MBP: variants seen among roughly 807,000 people sequenced by gnomAD.
MBP encodes Golli-MBP.
A neutral mutation model predicts 35.8 loss-of-function variants in MBP; 16 were observed. The observed-to-expected ratio is 0.45, with a 90% CI of 0.30 to 0.68. MBP has a LOEUF of 0.68. MBP is among the 30% of genes least tolerant of loss of function. MBP has a pLI of 0.08. For missense variants in MBP, 380 were observed against 404.7 expected (o/e 0.94, Z 0.52); for synonymous variants, 143 against 159.6 (o/e 0.90, Z 0.78).
chr18:77,067,617 G>T (rs573540263), intron 2 of MBP, among the ~76,000 whole-genome samples: 1 of 152,186 alleles, frequency 6.6e-6, no homozygotes, highest in Non-Finnish European at 1.5e-5. Context: ...TTCACTGAGC[G>T]GGCGTCAGTG....
chr18:77,094,495 C>T (rs1187364271), intron 2 of MBP, among the ~76,000 whole-genome samples: 6 of 152,318 alleles, frequency 3.9e-5, no homozygotes, highest in East Asian at 1.9e-4. Context: ...GCGGGTGCCA[C>T]GTTAAATGAC....
At chr18:76,995,748 T>C (rs1310173822) in intron 4 of MBP, among the ~76,000 whole-genome samples, 1 of 152,124 alleles carries the variant, frequency 6.6e-6, no homozygotes, top group Non-Finnish European at 1.5e-5. Flanking sequence ...GAAGCAGCCA[T>C]AGGAGAAAAA....
chr18:76,991,822 G>C (rs1403033180), intron 4 of MBP, among the ~76,000 whole-genome samples: 1 of 152,182 alleles, frequency 6.6e-6, no homozygotes, highest in Non-Finnish European at 1.5e-5. Flanking sequence ...CCTCCAGTCT[G>C]TCAGCTCTAT....
intron 3 of MBP, among the ~76,000 whole-genome samples, chr18:77,028,577 G>A (rs74409297): frequency 5.7e-4 from 43 of 75,272 alleles, no homozygotes; most frequent in Middle Eastern, 7.0e-3. Context: ...CCGGGCAGAG[G>A]CGCCCCTCAC....
rs146235081 is a variant in MBP, at chr18:77,131,069, ACG to A, written c.-26+1509_-26+1510del. Among the ~76,000 whole-genome samples, 30,050 of 79,676 alleles carry A rather than the reference ACG, an allele frequency of 0.38. 4,071 individuals are homozygous for A. Among genetic ancestry groups the A allele is most frequent in the African/African-American group, 0.48 (13,699 of 28,518 alleles). 52.3% of individuals were successfully genotyped at this position (79,676 alleles called of 152,430 possible). A position where few individuals can be genotyped will look rare whatever the true frequency, so the allele number is the denominator to read the frequency against. ...AAACCTCAAAAAACAAAACACACACACGCGCGCACGCACGCGCACACACACAC... is the reference window on the plus strand; with the variant it reads ...AAACCTCAAAAAACAAAACACACACACGCGCACGCACGCGCACACACACAC... On this transcript the variant is annotated intron_variant, in intron 1 of 8. Transcript: ENST00000355994. The surrounding 1 kb of genome is among the most constrained non-coding windows in gnomAD (Gnocchi z 5.5).
chr18:77,024,994 C>A (rs931179530), intron 3 of MBP, among the ~76,000 whole-genome samples: 1 of 152,186 alleles, frequency 6.6e-6, no homozygotes, highest in African/African-American at 2.4e-5. Flanking sequence ...CATTCCTGAG[C>A]AGATTGCAGG....
intron 4 of MBP, chr18:77,006,529 A>C (rs1365243122): frequency 6.5e-6 from 1 of 153,474 alleles, no homozygotes; most frequent in Non-Finnish European, 1.4e-5. Context: ...GGGGCTGAGC[A>C]GACAGAGGAA....
At chr18:77,055,944 A>T (rs1329742123) in intron 3 of MBP, among the ~76,000 whole-genome samples, 1 of 152,232 alleles carries the variant, frequency 6.6e-6, no homozygotes, top group African/African-American at 2.4e-5. Context: ...AGAAAGGAAA[A>T]AAAGAAAAAA....
intron 2 of MBP, among the ~76,000 whole-genome samples, chr18:77,095,997 A>AT (rs1975744147): frequency 6.6e-6 from 1 of 152,172 alleles, no homozygotes; most frequent in Non-Finnish European, 1.5e-5. Context: ...AAATATAATT[A>AT]TTTTTCATTC....
At chr18:77,024,752 G>A (rs112542752) in intron 3 of MBP, among the ~76,000 whole-genome samples, 14 of 152,376 alleles carry the variant, frequency 9.2e-5, no homozygotes, top group Non-Finnish European at 1.5e-4. Context: ...GACCTTGGAG[G>A]CCGACCTCAG....
At chr18:77,105,427 G>A in intron 1 of MBP, 141 bp from the exon 2 acceptor site, 1 of 549,790 alleles carries the variant, frequency 1.8e-6, no homozygotes, top group South Asian at 1.8e-5. Context: ...GAAAACAGAA[G>A]AGACACGTCC....
chr18:77,069,717 G>A (rs910059611), intron 2 of MBP, among the ~76,000 whole-genome samples: 14 of 152,164 alleles, frequency 9.2e-5, no homozygotes, highest in African/African-American at 3.1e-4. Flanking sequence ...GGCTGGTTTC[G>A]AGGGTGGGGG....
intron 1 of MBP, among the ~76,000 whole-genome samples, chr18:77,116,528 G>A (rs1428527783): frequency 6.6e-6 from 1 of 152,224 alleles, no homozygotes; most frequent in Admixed American, 6.5e-5. Context: ...TATGGGCTAG[G>A]TGCTCATGCA....
intron 3 of MBP, among the ~76,000 whole-genome samples, chr18:77,043,961 T>A (rs1252197684): frequency 1.3e-5 from 2 of 152,084 alleles, no homozygotes; most frequent in African/African-American, 2.4e-5. Flanking sequence ...CCCGCACCCC[T>A]GCCATTCCCC....
chr18:76,986,797 C>T (rs1969583321), intron 7 of MBP: 2 of 985,468 alleles, frequency 2.0e-6, no homozygotes, highest in Non-Finnish European at 2.4e-6. Flanking sequence ...AAAAATAAAG[C>T]ATTTTTGAGA....
chr18:77,000,588 G>T (rs1432008865), intron 4 of MBP, among the ~76,000 whole-genome samples: 1 of 152,200 alleles, frequency 6.6e-6, no homozygotes, highest in Non-Finnish European at 1.5e-5. Flanking sequence ...GATTTTTGAA[G>T]AATTATTTTC....
Position 76,979,961 on chromosome 18 carries a change from G to GA in MBP, c.*465dup, listed in dbSNP as rs34008680. The GA allele has an allele frequency of 2.8e-3, 1,930 of 689,064 alleles. 18 individuals carry two copies. Among genetic ancestry groups the GA allele is most frequent in the African/African-American group, 0.026 (1,499 of 56,620 alleles). 42.7% of individuals were successfully genotyped at this position (689,064 alleles called of 1,614,324 possible). A position where few individuals can be genotyped will look rare whatever the true frequency, so the allele number is the denominator to read the frequency against. ...ACTTTAGGAGGTGAGAGAAGGACAG[G>GA]AAAAAAAAACAAAGGAAGCTTGGAT... On this transcript the variant is annotated 3_prime_UTR_variant, in exon 9 of 9. Coordinates refer to ENST00000355994, the MANE Select transcript of MBP (RefSeq NM_001025101.2).
At position 77,018,654 on chromosome 18, in the gene MBP, A is replaced by G. The variant is rs1188246589; in HGVS notation, c.140-1386T>C. ...CATCCATCCATCCACATATCAGTCC[A>G]TTTACCCATTTATCCATCTATCCAT... On this transcript the variant is annotated intron_variant, in intron 3 of 8. Transcript: ENST00000355994. Among the ~76,000 whole-genome samples, 4 of 138,040 alleles carry G rather than the reference A, an allele frequency of 2.9e-5. No homozygotes were observed. The Admixed American group carries it at 2.9e-4, about 10-fold the overall frequency. 90.6% of individuals were successfully genotyped at this position (138,040 alleles called of 152,430 possible).
chr18:77,053,503 C>A (rs567801932), intron 3 of MBP, among the ~76,000 whole-genome samples: 1 of 152,382 alleles, frequency 6.6e-6, no homozygotes, highest in African/African-American at 2.4e-5. Context: ...AACAGCATTT[C>A]TATAGTGTGC....
Sources: allele counts gnomAD v4.1 joint callset (sites outside exome capture counted in the v4.1 genomes callset), GRCh38; gene constraint gnomAD v4.1.1; non-coding constraint Gnocchi (gnomAD v3.1); transcripts MANE v1.5; gene names NCBI Gene and HGNC (gene_info 2026-07-23, HGNC 2026-07-21).